Variants in KIAA1328 observed in about 807,000 individuals in gnomAD.
The protein encoded by KIAA1328 is KIAA1328.
In KIAA1328, 52 loss-of-function variants were observed where a neutral mutation model predicts 68.1. The observed-to-expected ratio is 0.76, with a 90% confidence interval of 0.61 to 0.96. The LOEUF (loss-of-function observed/expected upper bound fraction) is 0.96. Ranked by LOEUF, KIAA1328 falls within the 40% of genes least tolerant of loss-of-function variation. KIAA1328 has a pLI of 0.00. For synonymous variants in KIAA1328, 232 were observed against 239.4 expected, an observed-to-expected ratio of 0.97 and a Z score of 0.28; for missense variants, 641 against 677.6, an observed-to-expected ratio of 0.95 and a Z score of 0.60.
chr18:36,864,250 T>C (rs2150901263), intron 4 of KIAA1328, among the ~76,000 whole-genome samples: 1 of 152,288 alleles, frequency 6.6e-6, no homozygotes, highest in South Asian at 2.1e-4. Flanking sequence ...CATTGATTGA[T>C]TTTTGAAAGT....
chr18:37,096,515 G>A (rs1369780166), intron 7 of KIAA1328, among the ~76,000 whole-genome samples: 2 of 152,086 alleles, frequency 1.3e-5, no homozygotes, highest in Non-Finnish European at 2.9e-5. Context: ...CTTTGCTATT[G>A]TGAATACTGC....
chr18:37,068,921 C>T (rs565918443), intron 7 of KIAA1328, among the ~76,000 whole-genome samples: 1 of 152,078 alleles, frequency 6.6e-6, no homozygotes, highest in Admixed American at 6.5e-5. Context: ...AGCCACTGCT[C>T]CTGACTCTGC....
intron 9 of KIAA1328, among the ~76,000 whole-genome samples, chr18:37,175,510 A>C (rs1265140108): frequency 6.6e-6 from 1 of 152,170 alleles, no homozygotes; most frequent in African/African-American, 2.4e-5. Context: ...CATTTGGCTT[A>C]ATAAAACAAC....
intron 4 of KIAA1328, among the ~76,000 whole-genome samples, chr18:36,872,116 A>G (rs534638366): frequency 2.6e-5 from 4 of 152,186 alleles, no homozygotes; most frequent in East Asian, 1.9e-4. Context: ...AACATAAACT[A>G]TTATCCTTAG....
chr18:36,954,498 C>T (rs2051317773), intron 5 of KIAA1328: 1 of 152,048 alleles, frequency 6.6e-6, no homozygotes, highest in African/African-American at 2.4e-5. Flanking sequence ...GCATTTTCTT[C>T]TTTGCTGTAA....
chr18:36,834,404 T>C (rs1168891225), intron 2 of KIAA1328, 49 bp downstream of exon 2: 4 of 1,464,282 alleles, frequency 2.7e-6, no homozygotes, highest in African/African-American at 1.4e-5. Context: ...GGTCCTTAAA[T>C]GTTAGAAGAA....
At chr18:36,963,808 C>T (rs1221373164) in intron 6 of KIAA1328, among the ~76,000 whole-genome samples, 1 of 152,198 alleles carries the variant, frequency 6.6e-6, no homozygotes, top group African/African-American at 2.4e-5. Flanking sequence ...TCATCTATCT[C>T]CCTTACCAGC....
At chr18:36,978,219 A>G (rs969483815) in intron 6 of KIAA1328, among the ~76,000 whole-genome samples, 6 of 152,190 alleles carry the variant, frequency 3.9e-5, no homozygotes, top group Non-Finnish European at 7.4e-5. Flanking sequence ...TCTGACAACT[A>G]CTGTGAAATG....
At chr18:37,046,681 C>G (rs2055484008) in intron 6 of KIAA1328, among the ~76,000 whole-genome samples, 1 of 152,158 alleles carries the variant, frequency 6.6e-6, no homozygotes, top group Admixed American at 6.6e-5. Context: ...TCCTATCATT[C>G]ATTCTTGCAG....
intron 5 of KIAA1328, among the ~76,000 whole-genome samples, chr18:36,955,587 C>T (rs1224329545): frequency 6.6e-6 from 1 of 151,972 alleles, no homozygotes. Flanking sequence ...GGATTATAGG[C>T]GTGAGCCACC....
chr18:36,862,518 T>C (rs1431438503), intron 4 of KIAA1328, among the ~76,000 whole-genome samples: 2 of 152,186 alleles, frequency 1.3e-5, no homozygotes, highest in African/African-American at 4.8e-5. Context: ...TCCATTCATG[T>C]TGTTGCATGT....
chr18:37,014,266 A>G (rs1264967086), intron 6 of KIAA1328, among the ~76,000 whole-genome samples: 2 of 152,178 alleles, frequency 1.3e-5, no homozygotes, highest in African/African-American at 4.8e-5. Flanking sequence ...TTGCATGCAA[A>G]TATTTTCTTC....
intron 4 of KIAA1328, among the ~76,000 whole-genome samples, chr18:36,858,473 C>G (rs949552672): frequency 2.0e-5 from 3 of 152,140 alleles, no homozygotes; most frequent in African/African-American, 7.2e-5. Context: ...GCTTATATAA[C>G]TATAATATAT....
intron 7 of KIAA1328, among the ~76,000 whole-genome samples, chr18:37,091,845 TG>T (rs1297961075): frequency 6.6e-6 from 1 of 152,168 alleles, no homozygotes; most frequent in East Asian, 1.9e-4. Context: ...CCAAGGAAGC[TG>T]GCCCCAGGAC....
chr18:36,842,907 A>G (rs1271576994), intron 3 of KIAA1328, among the ~76,000 whole-genome samples: 1 of 152,078 alleles, frequency 6.6e-6, no homozygotes, highest in African/African-American at 2.4e-5. Context: ...CTGATTCTCC[A>G]CTTGTCCTTT....
At chr18:37,006,276 A>G (rs555126643) in intron 6 of KIAA1328, among the ~76,000 whole-genome samples, 2 of 152,068 alleles carry the variant, frequency 1.3e-5, no homozygotes, top group Non-Finnish European at 2.9e-5. Context: ...TTTTTTTCCC[A>G]AAAGTCAAGA....
intron 7 of KIAA1328, among the ~76,000 whole-genome samples, chr18:37,144,078 T>A (rs1258205336): frequency 6.6e-6 from 1 of 152,176 alleles, no homozygotes; most frequent in African/African-American, 2.4e-5. Flanking sequence ...TCTTTGATTA[T>A]GAATTCAATT....
chr18:36,918,292 G>GT (rs1325387142), intron 5 of KIAA1328, among the ~76,000 whole-genome samples: 1 of 149,990 alleles, frequency 6.7e-6, no homozygotes, highest in Non-Finnish European at 1.5e-5. Flanking sequence ...CTTCATGTTT[G>GT]TTTTTTATTT....
chr18:37,185,931 C>T (rs2059788888), intron 9 of KIAA1328, among the ~76,000 whole-genome samples: 1 of 151,692 alleles, frequency 6.6e-6, no homozygotes, highest in Non-Finnish European at 1.5e-5. Context: ...TAAAAATTAT[C>T]GTTAAACAGT....
Sources: allele counts gnomAD v4.1 joint callset (sites outside exome capture counted in the v4.1 genomes callset), GRCh38; gene constraint gnomAD v4.1.1; transcripts MANE v1.5; gene names NCBI Gene and HGNC (gene_info 2026-07-23, HGNC 2026-07-21).